Variants in TGFBRAP1 observed in about 807,000 individuals in gnomAD.
The protein encoded by TGFBRAP1 is transforming growth factor-beta receptor-associated protein 1.
TGFBRAP1 carries 20 observed loss-of-function variants against 83.2 expected under a neutral mutation model. The ratio of observed to expected loss-of-function variants is 0.24; its 90% CI spans 0.17 to 0.35. The LOEUF is 0.35. Among genes scored for constraint, TGFBRAP1 ranks in the 10% least tolerant of loss-of-function variants. The pLI is 1.00. For synonymous variants in TGFBRAP1, 415 were observed against 459.8 expected, an observed-to-expected ratio of 0.90 and a Z score of 1.25; for missense variants, 950 against 1,099.4, an observed-to-expected ratio of 0.86 and a Z score of 1.92.
At chr2:105,301,018 G>A (rs1678270315) in intron 2 of TGFBRAP1, among the ~76,000 whole-genome samples, 1 of 152,094 alleles carries the variant, frequency 6.6e-6, no homozygotes, top group African/African-American at 2.4e-5. Flanking sequence ...CAGTCCAGGA[G>A]TTCAAGACCA....
chr2:105,257,914 T>G, the TGFBRAP1 span, among the ~76,000 whole-genome samples: 1 of 152,304 alleles, frequency 6.6e-6, no homozygotes, highest in Admixed American at 6.5e-5. Flanking sequence ...TTCATCATTT[T>G]ATCCACAGAA....
chr2:105,307,403 A>T (rs574394994), intron 2 of TGFBRAP1, among the ~76,000 whole-genome samples: 7 of 152,174 alleles, frequency 4.6e-5, no homozygotes, highest in Non-Finnish European at 8.8e-5. Context: ...AATGTGAAAG[A>T]AACTGGTTTT....
the TGFBRAP1 span, among the ~76,000 whole-genome samples, chr2:105,252,967 G>A: frequency 1.3e-5 from 2 of 151,836 alleles, no homozygotes; most frequent in South Asian, 4.2e-4. Context: ...TGTTAGCCAG[G>A]ATGGTCTCGA....
chr2:105,317,560 A>G (rs182010623), intron 1 of TGFBRAP1, among the ~76,000 whole-genome samples: 1 of 152,348 alleles, frequency 6.6e-6, no homozygotes, highest in African/African-American at 2.4e-5. Flanking sequence ...ATGAAAAAAT[A>G]TTCTCATGAC....
intron 4 of TGFBRAP1, among the ~76,000 whole-genome samples, chr2:105,288,153 G>GT (rs953100364): frequency 1.3e-5 from 2 of 152,210 alleles, no homozygotes; most frequent in Non-Finnish European, 2.9e-5. Flanking sequence ...CACAGCTATA[G>GT]TAAGAATTTT....
At chr2:105,296,584 A>T (rs1678097722) in intron 3 of TGFBRAP1, 74 bp from the exon 4 acceptor site, 1 of 1,512,962 alleles carries the variant, frequency 6.6e-7, no homozygotes, top group Non-Finnish European at 8.9e-7. Context: ...CTTTCCCCAA[A>T]CTGGATCATT....
intron 10 of TGFBRAP1, among the ~76,000 whole-genome samples, chr2:105,272,149 A>ATT (rs1235618114): frequency 4.6e-5 from 7 of 152,198 alleles, no homozygotes; most frequent in African/African-American, 1.4e-4. Flanking sequence ...GAAATTCTTA[A>ATT]TGTGGCAAGA....
intron 2 of TGFBRAP1, among the ~76,000 whole-genome samples, chr2:105,299,144 G>C (rs1312787542): frequency 1.3e-5 from 2 of 151,948 alleles, no homozygotes; most frequent in African/African-American, 2.4e-5. Flanking sequence ...AGCCAGGTGT[G>C]GTGGTGCACA....
intron 4 of TGFBRAP1, among the ~76,000 whole-genome samples, chr2:105,294,305 A>AGG (rs1261458113): frequency 1.1e-4 from 9 of 84,816 alleles, no homozygotes; most frequent in Non-Finnish European, 1.5e-4. Context: ...CATAGGAGTG[A>AGG]GGGTGTGTGT....
At chr2:105,282,791 A>G (rs932123184) in intron 5 of TGFBRAP1, among the ~76,000 whole-genome samples, 9 of 150,584 alleles carry the variant, frequency 6.0e-5, no homozygotes, top group Non-Finnish European at 1.3e-4. Flanking sequence ...GCACCACTGC[A>G]CTCCAGCCTG....
At chr2:105,298,185 G>A (rs1678147162) in intron 3 of TGFBRAP1, among the ~76,000 whole-genome samples, 2 of 152,072 alleles carry the variant, frequency 1.3e-5, no homozygotes, top group South Asian at 4.1e-4. Context: ...ACATCTGCTT[G>A]GCTGACTCCT....
chr2:105,280,527 C>A lies in TGFBRAP1; in HGVS notation c.1318G>T (p.Val440Leu). ...SYLNEVRSTE[V>L]ANGYKEDIDT... ...ATGTCCTCCTTGTAGCCATTTGCTA[C>A]CTCTGTGCTGCGGACCTCGTTCAGG... Residue 440 changes from valine to leucine, a missense_variant, in exon 6 of 12, where the codon GTA (valine) becomes TTA (leucine). By Grantham distance (32) the Val-to-Leu change is conservative. Coordinates refer to ENST00000393359, the MANE Select transcript of TGFBRAP1 (RefSeq NM_004257.6). 6.2e-7 allele frequency: 1 copy of A among 1,614,196 alleles called. No individual in the cohort carries two copies. Among genetic ancestry groups the A allele is most frequent in the African/African-American group, 1.3e-5 (1 of 75,050 alleles).
At chr2:105,302,723 T>C (rs2104384762) in intron 2 of TGFBRAP1, among the ~76,000 whole-genome samples, 1 of 152,342 alleles carries the variant, frequency 6.6e-6, no homozygotes. Context: ...GATATCTTGC[T>C]GTATCCGTCT....
Position 105,329,718 on chromosome 2 carries a change from G to T in TGFBRAP1, c.-111C>A, listed in dbSNP as rs1400880280. 1 of 147,398 alleles carries T rather than the reference G, an allele frequency of 6.8e-6. No individual in the cohort carries two copies. Among genetic ancestry groups the T allele is most frequent in the African/African-American group, 2.4e-5 (1 of 40,836 alleles). 9.1% of individuals were successfully genotyped at this position (147,398 alleles called of 1,614,324 possible). A position where few individuals can be genotyped will look rare whatever the true frequency, so the allele number is the denominator to read the frequency against. Reference sequence around the variant, plus strand: ...GCTCCTGGGCTGGCCCGACCCCGCAGCCGCCGCTTCCCGTCACGTGGGGCG... The same window carrying T: ...GCTCCTGGGCTGGCCCGACCCCGCATCCGCCGCTTCCCGTCACGTGGGGCG... On this transcript the variant is annotated 5_prime_UTR_variant, in exon 1 of 12. The change creates a new upstream start codon in the 5' untranslated region. Coordinates refer to ENST00000393359, the MANE Select transcript of TGFBRAP1 (RefSeq NM_004257.6).
intron 2 of TGFBRAP1, among the ~76,000 whole-genome samples, chr2:105,302,086 C>G (rs564100400): frequency 7.0e-6 from 1 of 142,776 alleles, no homozygotes; most frequent in African/African-American, 2.6e-5. Flanking sequence ...GGCTTTTAAA[C>G]GTGAAAAATG....
chr2:105,262,891 G>A (rs1274560519), downstream of TGFBRAP1, among the ~76,000 whole-genome samples: 1 of 152,196 alleles, frequency 6.6e-6, no homozygotes, highest in Non-Finnish European at 1.5e-5. Flanking sequence ...CAGCCAGTTA[G>A]CTGTTTTGAG....
At position 105,266,453 on chromosome 2, in the gene TGFBRAP1, T is replaced by C. The variant is rs1676937324; in HGVS notation, c.*930A>G. On this transcript the variant is annotated 3_prime_UTR_variant, in exon 12 of 12. Transcript: ENST00000393359. ...AAATACCCCTAACAAACAGGACAGA[T>C]GACTCTCTCAACAAGAGAGCAACTA... 6.6e-6 allele frequency: 1 copy of C among 152,260 alleles called. No homozygotes were observed. The highest frequency in any genetic ancestry group is 2.4e-5 in the African/African-American group (1 of 41,470). 9.4% of individuals were successfully genotyped at this position (152,260 alleles called of 1,614,324 possible).
At chr2:105,304,859 A>G (rs1678442684) in intron 2 of TGFBRAP1, among the ~76,000 whole-genome samples, 1 of 152,186 alleles carries the variant, frequency 6.6e-6, no homozygotes, top group Non-Finnish European at 1.5e-5. Context: ...TATGGTCCCA[A>G]CTAGATCACA....
intron 2 of TGFBRAP1, among the ~76,000 whole-genome samples, chr2:105,301,393 T>C (rs1368642942): frequency 6.6e-6 from 1 of 152,060 alleles, no homozygotes; most frequent in Non-Finnish European, 1.5e-5. Flanking sequence ...GAGACCAGCC[T>C]GGCCAACATG....
Sources: allele counts gnomAD v4.1 joint callset (sites outside exome capture counted in the v4.1 genomes callset), GRCh38; gene constraint gnomAD v4.1.1; transcripts MANE v1.5; gene names NCBI Gene and HGNC (gene_info 2026-07-23, HGNC 2026-07-21).